Variants in DMD observed in about 807,000 individuals in gnomAD.
DMD encodes mutant dystrophin.
A neutral mutation model predicts 330.1 loss-of-function variants in DMD; 63 were observed. The observed-to-expected ratio is 0.19, with a 90% confidence interval of 0.16 to 0.24. The LOEUF is 0.24. DMD is among the 10% of genes least tolerant of loss of function. The pLI is 1.00. For synonymous variants in DMD, 1,223 were observed against 959.8 expected (o/e 1.27, Z -5.07); for missense variants, 3,344 against 2,684.1 (o/e 1.25, Z -5.43).
intron 9 of DMD, among the ~76,000 whole-genome samples, chrX:32,647,078 G>GGTGGAACCAGCTTCACGTTT (rs2059828717): frequency 9.0e-6 from 1 of 111,455 alleles, no homozygotes; most frequent in Non-Finnish European, 1.9e-5. Context: ...GATGTGCGCA[G>GGTGGAACCAGCTTCACGTTT]GTGGAACCAG....
intron 45 of DMD, among the ~76,000 whole-genome samples, chrX:31,937,748 C>T (rs2094941961): frequency 8.9e-6 from 1 of 112,066 alleles, no homozygotes; most frequent in Admixed American, 9.5e-5. Context: ...GCATTCATCA[C>T]ATGAAGTGTT....
At chrX:32,680,321 T>A (rs58536302) in intron 9 of DMD, among the ~76,000 whole-genome samples, 4,464 of 111,464 alleles carry the variant, frequency 0.04, 244 homozygotes, top group African/African-American at 0.14. Flanking sequence ...GAAACATCAC[T>A]AAGAACTTCA....
At chrX:33,041,730 T>C in intron 1 of DMD, 2 of 1,198,854 alleles carry the variant, frequency 1.7e-6, no homozygotes, top group East Asian at 3.0e-5. Flanking sequence ...GAAACTTTTC[T>C]CGTATGGGGT....
intron 4 of DMD, among the ~76,000 whole-genome samples, chrX:32,842,870 C>T (rs1050988632): frequency 9.0e-6 from 1 of 110,720 alleles, no homozygotes; most frequent in African/African-American, 3.3e-5. Flanking sequence ...TGCAGTGGCA[C>T]GATCTCCACT....
At chrX:32,574,778 T>A (rs1361505640) in intron 13 of DMD, among the ~76,000 whole-genome samples, 1 of 110,388 alleles carries the variant, frequency 9.1e-6, no homozygotes, top group Non-Finnish European at 1.9e-5. Context: ...CTACTCAGTG[T>A]CTAAGGTCTC....
chrX:31,195,727 G>C (rs752900669), intron 67 of DMD, among the ~76,000 whole-genome samples: 15 of 106,346 alleles, frequency 1.4e-4, no homozygotes, highest in Admixed American at 1.3e-3. Context: ...GGAAGGAGAA[G>C]GGGACAGAGA....
intron 1 of DMD, among the ~76,000 whole-genome samples, chrX:33,071,227 G>A (rs2094750495): frequency 9.1e-6 from 1 of 110,375 alleles, no homozygotes; most frequent in Non-Finnish European, 1.9e-5. Flanking sequence ...CGAGGTGGCA[G>A]ATGACTTGAG....
intron 63 of DMD, among the ~76,000 whole-genome samples, chrX:31,242,035 T>C (rs1422901489): frequency 2.7e-5 from 3 of 109,924 alleles, no homozygotes; most frequent in Middle Eastern, 4.6e-3. Context: ...GATGGGCAGA[T>C]GGCTTGAGCT....
intron 1 of DMD, among the ~76,000 whole-genome samples, chrX:33,223,528 T>C (rs894699273): frequency 8.9e-6 from 1 of 112,153 alleles, no homozygotes; most frequent in Non-Finnish European, 1.9e-5. Context: ...ACCTTTTCAA[T>C]AAATGGTGCT....
chrX:31,764,575 A>C (rs1235290420), intron 51 of DMD, among the ~76,000 whole-genome samples: 1 of 112,054 alleles, frequency 8.9e-6, no homozygotes, highest in Non-Finnish European at 1.9e-5. Flanking sequence ...CACTTTCTTA[A>C]GTATAGAATC....
At chrX:31,191,085 C>T (rs145185295) in intron 67 of DMD, among the ~76,000 whole-genome samples, 1,463 of 111,985 alleles carry the variant, frequency 0.013, 10 homozygotes, top group South Asian at 0.024. Flanking sequence ...AAACTGACAA[C>T]TCTATGCAGT....
At chrX:32,362,736 T>G in intron 37 of DMD, 52 bp downstream of exon 37, 1 of 1,191,917 alleles carries the variant, frequency 8.4e-7, no homozygotes, top group Non-Finnish European at 1.1e-6. Flanking sequence ...CTGCGCAACC[T>G]TCGCAAGAGA....
intron 55 of DMD, among the ~76,000 whole-genome samples, chrX:31,577,725 G>A (rs780076105): frequency 1.8e-5 from 2 of 111,563 alleles, no homozygotes; most frequent in Non-Finnish European, 3.8e-5. Context: ...ATCACTACTT[G>A]ACTTGTAAAA....
At chrX:32,522,306 G>T (rs974126420) in intron 17 of DMD, among the ~76,000 whole-genome samples, 1 of 111,772 alleles carries the variant, frequency 8.9e-6, no homozygotes, top group African/African-American at 3.3e-5. Flanking sequence ...CCTCTGGGCA[G>T]TATTTATGGA....
intron 2 of DMD, among the ~76,000 whole-genome samples, chrX:32,878,246 C>T (rs1217431116): frequency 9.1e-6 from 1 of 110,460 alleles, no homozygotes; most frequent in Non-Finnish European, 1.9e-5. Context: ...GGTGTAGTGG[C>T]GGGCGCCTGT....
intron 69 of DMD, among the ~76,000 whole-genome samples, 193 bp from the exon 70 acceptor site, chrX:31,178,998 T>C (rs2040856494): frequency 1.8e-5 from 2 of 111,770 alleles, no homozygotes; most frequent in Admixed American, 1.9e-4. Flanking sequence ...CTGAGTTATT[T>C]ACTTCTCAGA....
intron 12 of DMD, among the ~76,000 whole-genome samples, chrX:32,610,013 T>G (rs1879790676): frequency 9.0e-6 from 1 of 111,157 alleles, no homozygotes; most frequent in Admixed American, 9.6e-5. Flanking sequence ...AATGGCAAAC[T>G]TCTTTACTAT....
At chrX:33,078,961 G>A (rs773967334) in intron 1 of DMD, among the ~76,000 whole-genome samples, 1 of 111,621 alleles carries the variant, frequency 9.0e-6, no homozygotes, top group Admixed American at 9.5e-5. Flanking sequence ...CTATTCTAAC[G>A]TCACAATCTC....
At chrX:32,198,819 T>C (rs978383225) in intron 44 of DMD, among the ~76,000 whole-genome samples, 1 of 112,160 alleles carries the variant, frequency 8.9e-6, no homozygotes, top group Non-Finnish European at 1.9e-5. Flanking sequence ...GTCCCCAGTA[T>C]ACTCTGAACA....
Sources: allele counts gnomAD v4.1 joint callset (sites outside exome capture counted in the v4.1 genomes callset), GRCh38; gene constraint gnomAD v4.1.1; transcripts MANE v1.5; gene names NCBI Gene and HGNC (gene_info 2026-07-23, HGNC 2026-07-21).